The following NEDD4L variants were observed in gnomAD, a reference collection of about 807,000 sequenced individuals.
NEDD4L encodes E3 ubiquitin-protein ligase NEDD4-like.
A neutral mutation model predicts 148.9 loss-of-function variants in NEDD4L; 54 were observed. The ratio of observed to expected loss-of-function variants is 0.36; its 90% CI spans 0.29 to 0.45. NEDD4L has a LOEUF of 0.45. NEDD4L is among the 20% of genes least tolerant of loss of function. The pLI, the probability that NEDD4L is intolerant of heterozygous loss-of-function variation, is 1.00. For synonymous variants in NEDD4L, 433 were observed against 440.7 expected, an observed-to-expected ratio of 0.98 and a Z score of 0.22; for missense variants, 856 against 1,233.8, an observed-to-expected ratio of 0.69 and a Z score of 4.59.
intron 2 of NEDD4L, among the ~76,000 whole-genome samples, chr18:58,193,207 CTT>C (rs2040303923): frequency 1.3e-5 from 2 of 152,214 alleles, no homozygotes; most frequent in Non-Finnish European, 1.5e-5. Flanking sequence ...AAATTTACCT[CTT>C]GATCAAATTA....
At chr18:58,329,239 G>A in intron 10 of NEDD4L, 112 bp downstream of exon 10, 1 of 1,221,032 alleles carries the variant, frequency 8.2e-7, no homozygotes, top group Non-Finnish European at 1.1e-6. Flanking sequence ...AGAATGTAAA[G>A]ATTACAGTGA....
intron 22 of NEDD4L, among the ~76,000 whole-genome samples, chr18:58,369,490 C>T (rs1347792192): frequency 1.6e-5 from 1 of 63,620 alleles, no homozygotes; most frequent in Non-Finnish European, 3.3e-5. Context: ...ATGTCCCTGT[C>T]GGCAGGGCTC....
chr18:58,378,447 C>A (rs2047866791), intron 24 of NEDD4L, among the ~76,000 whole-genome samples: 1 of 152,238 alleles, frequency 6.6e-6, no homozygotes, highest in African/African-American at 2.4e-5. Flanking sequence ...AAGCCAGGAG[C>A]CAGACGAAGA....
At chr18:58,047,422 G>C in intron 1 of NEDD4L, 2 of 985,256 alleles carry the variant, frequency 2.0e-6, no homozygotes, top group Non-Finnish European at 2.4e-6. Context: ...ATGAAGCATT[G>C]CATGAACCCA....
chr18:58,050,753 C>A (rs1286452915), intron 1 of NEDD4L, among the ~76,000 whole-genome samples: 1 of 151,620 alleles, frequency 6.6e-6, no homozygotes, highest in Admixed American at 6.6e-5. Context: ...AAGAGCAAAA[C>A]TAAAAATAAA....
At chr18:58,362,835 A>G (rs957082510) in intron 19 of NEDD4L, among the ~76,000 whole-genome samples, 1 of 152,240 alleles carries the variant, frequency 6.6e-6, no homozygotes, top group Non-Finnish European at 1.5e-5. Context: ...AGCAGAAAAC[A>G]TGATCTCTTT....
intron 30 of NEDD4L, among the ~76,000 whole-genome samples, chr18:58,393,579 G>A (rs1203097276): frequency 1.3e-5 from 2 of 152,208 alleles, no homozygotes; most frequent in East Asian, 1.9e-4. Flanking sequence ...TGACCCGGAT[G>A]GAGAGGACTG....
At chr18:58,102,830 G>C (rs1459354553) in intron 1 of NEDD4L, among the ~76,000 whole-genome samples, 1 of 152,028 alleles carries the variant, frequency 6.6e-6, no homozygotes, top group Non-Finnish European at 1.5e-5. Flanking sequence ...CAGGTGTCCT[G>C]GAACTACTCC....
chr18:58,380,454 G>A lies in NEDD4L; in HGVS notation c.2353-2792G>A, dbSNP rs181428718. Among the ~76,000 whole-genome samples the A allele has an allele frequency of 1.1e-3, 168 of 152,034 alleles. 1 individual carries two copies. The highest frequency in any genetic ancestry group is 1.6e-3 in the Non-Finnish European group (109 of 67,938). On this transcript the variant is annotated intron_variant, in intron 24 of 30. Transcript: ENST00000400345. Reference sequence around the variant, plus strand: ...CTGCCCAAGCCTCCTGAGTAGCTGGGATTACAGGCGTGAGCCACCACTCCC... The same window carrying A: ...CTGCCCAAGCCTCCTGAGTAGCTGGAATTACAGGCGTGAGCCACCACTCCC...
At chr18:58,141,424 C>T (rs528098324) in intron 1 of NEDD4L, among the ~76,000 whole-genome samples, 1 of 152,172 alleles carries the variant, frequency 6.6e-6, no homozygotes, top group Non-Finnish European at 1.5e-5. Flanking sequence ...TTCCTTTAAT[C>T]ACCAGGGCTG....
intron 6 of NEDD4L, among the ~76,000 whole-genome samples, chr18:58,317,735 G>A (rs1043831461): frequency 1.3e-5 from 2 of 152,142 alleles, no homozygotes; most frequent in Admixed American, 6.5e-5. Flanking sequence ...AGAAGGAAGC[G>A]GTGCAGAGGC....
At chr18:58,237,635 C>T (rs2046184738) in intron 2 of NEDD4L, among the ~76,000 whole-genome samples, 1 of 152,140 alleles carries the variant, frequency 6.6e-6, no homozygotes, top group Admixed American at 6.5e-5. Context: ...AATATTTAAA[C>T]ATTTTTATTA....
intron 1 of NEDD4L, among the ~76,000 whole-genome samples, chr18:58,095,057 A>G (rs1353394976): frequency 6.6e-6 from 1 of 152,202 alleles, no homozygotes; most frequent in African/African-American, 2.4e-5. Flanking sequence ...TTGATTGTGT[A>G]TTCACTTAGA....
At chr18:58,241,645 T>G (rs11665627) in intron 2 of NEDD4L, among the ~76,000 whole-genome samples, 3 of 151,742 alleles carry the variant, frequency 2.0e-5, no homozygotes, top group East Asian at 3.9e-4. Context: ...GCTGACTGCT[T>G]TTTTCCTGGG....
intron 26 of NEDD4L, among the ~76,000 whole-genome samples, chr18:58,386,543 T>C (rs914253091): frequency 5.9e-5 from 9 of 152,220 alleles, no homozygotes; most frequent in African/African-American, 2.2e-4. Context: ...ACTTTTAATA[T>C]CAGGGATGCT....
At chr18:58,197,115 T>TTACA (rs2040802416) in intron 2 of NEDD4L, among the ~76,000 whole-genome samples, 1 of 152,114 alleles carries the variant, frequency 6.6e-6, no homozygotes, top group African/African-American at 2.4e-5. Context: ...TCCCTGGATG[T>TTACA]GGGAGGAACA....
At chr18:58,207,880 C>T (rs1399039302) in intron 2 of NEDD4L, among the ~76,000 whole-genome samples, 2 of 152,052 alleles carry the variant, frequency 1.3e-5, no homozygotes, top group Non-Finnish European at 2.9e-5. Flanking sequence ...ATGGTGAAAC[C>T]CTGCCTCTAC....
chr18:58,272,691 A>G (rs915378592), intron 5 of NEDD4L, among the ~76,000 whole-genome samples: 1 of 152,090 alleles, frequency 6.6e-6, no homozygotes, highest in African/African-American at 2.4e-5. Context: ...TAAGTCCAGA[A>G]AGTTTGGTGA....
intron 1 of NEDD4L, among the ~76,000 whole-genome samples, chr18:58,064,311 A>T (rs551152836): frequency 3.9e-5 from 6 of 152,358 alleles, no homozygotes; most frequent in African/African-American, 1.4e-4. Flanking sequence ...AAGGATGTTT[A>T]TAGCTGGTAT....
Sources: gnomAD v4.1 joint callset for allele counts (sites outside exome capture counted in the v4.1 genomes callset) on GRCh38, gnomAD v4.1.1 for gene constraint, MANE v1.5 for transcripts, NCBI Gene and HGNC (gene_info 2026-07-23, HGNC 2026-07-21) for gene names.